NCDN: variants seen among roughly 807,000 people sequenced by gnomAD.
NCDN encodes norbin.
NCDN carries 9 observed loss-of-function variants against 60.7 expected under a neutral mutation model. The ratio of observed to expected loss-of-function variants is 0.15; its 90% CI spans 0.09 to 0.26. The LOEUF (loss-of-function observed/expected upper bound fraction) is 0.26. NCDN is among the 10% of genes least tolerant of loss of function. The probability of loss-of-function intolerance (pLI) is 1.00; values close to 1 mark genes in which losing one functional copy is unlikely to be tolerated. For synonymous variants in NCDN, 409 were observed against 442.5 expected (o/e 0.92, Z 0.95); for missense variants, 578 against 975.2 (o/e 0.59, Z 5.42).
intron 2 of NCDN, 128 bp downstream of exon 2, chr1:35,559,375 A>G: frequency 3.3e-6 from 4 of 1,210,278 alleles, no homozygotes. Flanking sequence ...ACGAAGGCCC[A>G]AGACCCCTAC....
At position 35,563,470 on chromosome 1, in the gene NCDN, A is replaced by G. The variant is rs753077381; in HGVS notation, c.1610+44A>G. On this transcript the variant is annotated intron_variant, in intron 5 of 6. Transcript: ENST00000373243. This position sits in a 1 kb window ranked among gnomAD's most constrained non-coding sequence, Gnocchi z 6.6. ...GTGGGGGAGGAGGCCGGAGGAGGCA[A>G]AGGAGGCTGCCCAGTTGCCTCAATT... is the stretch of plus-strand genomic sequence containing the variant. The G allele has an allele frequency of 3.1e-6, 5 of 1,591,778 alleles. No homozygotes were observed. Among genetic ancestry groups the G allele is most frequent in the Non-Finnish European group, 4.3e-6 (5 of 1,163,220 alleles).
chr1:35,558,357 C>G lies in NCDN; in HGVS notation c.33+134C>G. The G allele has an allele frequency of 3.3e-6, 5 of 1,534,756 alleles. No homozygotes were observed. In the South Asian group the frequency reaches 3.7e-5, roughly 11 times the overall value. On this transcript the variant is annotated intron_variant, in intron 1 of 6. Coordinates refer to ENST00000373243, the MANE Select transcript of NCDN (RefSeq NM_014284.3). The surrounding 1 kb of genome is among the most constrained non-coding windows in gnomAD (Gnocchi z 6.3). ...CCCCTCTTGCTTCTCCAGCCCCTGC[C>G]GGCATCCACAGGCTGGTAGCGGGAC...
rs919549936 is a variant in NCDN at position 35,566,665 on chromosome 1, ACACACACACACACACT to A, written c.*1004_*1019del. The A allele has an allele frequency of 1.2e-4, 49 of 414,470 alleles. No individual in the cohort carries two copies. Among genetic ancestry groups the A allele is most frequent in the Non-Finnish European group, 1.9e-4 (39 of 206,034 alleles). The allele number at this position is 414,470 out of a possible 1,614,324, so 25.7% of individuals were successfully genotyped here. On this transcript the variant is annotated 3_prime_UTR_variant, in exon 7 of 7. Transcript: ENST00000373243. The surrounding 1 kb of genome is among the most constrained non-coding windows in gnomAD (Gnocchi z 5.3). ...CACACACACACACACACACACACACACACACACACACACACTCTTGATCCCTTGCTTCCCTCCCCCA... is the reference window on the plus strand; with the variant it reads ...CACACACACACACACACACACACACACTTGATCCCTTGCTTCCCTCCCCCA...
At position 35,563,106 on chromosome 1, in the gene NCDN, A is replaced by G. The variant is rs1648756957; in HGVS notation, c.1386-96A>G. The G allele has an allele frequency of 8.8e-7, 1 of 1,131,052 alleles. No homozygotes were observed. The highest frequency in any genetic ancestry group is 1.6e-5 in the African/African-American group (1 of 63,898). The allele number at this position is 1,131,052 out of a possible 1,614,324, so 70.1% of individuals were successfully genotyped here. A position where few individuals can be genotyped will look rare whatever the true frequency, so the allele number is the denominator to read the frequency against. On this transcript the variant is annotated intron_variant, in intron 4 of 6. Coordinates refer to ENST00000373243, the MANE Select transcript of NCDN (RefSeq NM_014284.3). The surrounding 1 kb of genome is among the most constrained non-coding windows in gnomAD (Gnocchi z 6.6). ...CTGCGAGGATGTGTCCTTCTCCCCT[A>G]CTTCCATTTCTCTTAGGCAAGGTGC... is the stretch of plus-strand genomic sequence containing the variant.
Position 35,560,257 on chromosome 1 carries a change from G to A in NCDN, c.175-69G>A. The A allele has an allele frequency of 1.9e-6, 3 of 1,544,908 alleles. No homozygotes were observed. The highest frequency in any genetic ancestry group is 2.6e-6 in the Non-Finnish European group (3 of 1,143,952). On this transcript the variant is annotated intron_variant, in intron 2 of 6. Coordinates refer to ENST00000373243, the MANE Select transcript of NCDN (RefSeq NM_014284.3). The surrounding 1 kb of genome is among the most constrained non-coding windows in gnomAD (Gnocchi z 7.6). ...CATCTTGCTAGTCCTCAGTGCCCCAGGATGCAGGAGAGGGACAGTCTTTCC... is the reference window on the plus strand; with the variant it reads ...CATCTTGCTAGTCCTCAGTGCCCCAAGATGCAGGAGAGGGACAGTCTTTCC...
At position 35,565,675 on chromosome 1, in the gene NCDN, C is replaced by CGG. The variant is rs1648849619; in HGVS notation, c.*15_*16dup. Reference sequence around the variant, plus strand: ...TGTCAGAGCCCTGAGGGGTGTCCACCGGGGACAGACCCAGGGGCGGGCAGA... The same window carrying CGG: ...TGTCAGAGCCCTGAGGGGTGTCCACCGGGGGGACAGACCCAGGGGCGGGCAGA... On this transcript the variant is annotated 3_prime_UTR_variant, in exon 7 of 7. Coordinates refer to ENST00000373243, the MANE Select transcript of NCDN (RefSeq NM_014284.3). The surrounding 1 kb of genome is among the most constrained non-coding windows in gnomAD (Gnocchi z 8.9). The CGG allele has an allele frequency of 4.6e-6, 7 of 1,538,198 alleles. No homozygotes were observed. Among genetic ancestry groups the CGG allele is most frequent in the Non-Finnish European group, 4.4e-6 (5 of 1,147,956 alleles).
chr1:35,560,677 G>A lies in NCDN; in HGVS notation c.526G>A (p.Gly176Ser). ...PRGPRHLIAG[G>S]TVSALCQAYL... The stretch of plus-strand genomic sequence containing the variant: ...AGGGCCTCGGCACCTCATTGCTGGT[G>A]GCACCGTGTCTGCCCTATGCCAGGC... The change falls in exon 3 of 7, where the codon GGC becomes AGC. Residue 176 changes from glycine to serine, a missense_variant. By Grantham distance (56) the Gly-to-Ser change is moderately conservative. This residue lies in a region of NCDN where 363 missense variants were observed against 583.6 expected (regional missense o/e 0.62). Coordinates refer to ENST00000373243, the MANE Select transcript of NCDN (RefSeq NM_014284.3). This position sits in a 1 kb window ranked among gnomAD's most constrained non-coding sequence, Gnocchi z 7.6. The A allele has an allele frequency of 6.2e-7, 1 of 1,613,170 alleles. No homozygotes were observed. The highest frequency in any genetic ancestry group is 8.5e-7 in the Non-Finnish European group (1 of 1,180,046).
rs1452933073 is a variant in NCDN at position 35,565,415 on chromosome 1, G to C, written c.1942G>C (p.Val648Leu). The change falls in exon 7 of 7, where the codon GTG becomes CTG. Residue 648 changes from valine to leucine, a missense_variant. Val to Leu is a conservative substitution (Grantham distance 32, BLOSUM62 1). This residue lies in a region of NCDN where 191 missense variants were observed against 372.1 expected (regional missense o/e 0.51). Transcript: ENST00000373243. This position sits in a 1 kb window ranked among gnomAD's most constrained non-coding sequence, Gnocchi z 8.9. ...FLGMQAFTGC[V>L]PLLPWLAPAA... ...GGGCATGCAGGCCTTCACCGGCTGTGTGCCTCTGCTGCCCTGGCTGGCCCC... is the reference window on the plus strand; with the variant it reads ...GGGCATGCAGGCCTTCACCGGCTGTCTGCCTCTGCTGCCCTGGCTGGCCCC... 6.2e-7 allele frequency: 1 copy of C among 1,612,778 alleles called. No homozygotes were observed. The highest frequency in any genetic ancestry group is 1.3e-5 in the African/African-American group (1 of 74,924).
In NCDN at chr1:35,561,683, G is replaced by A. The variant is rs569374638; in HGVS notation, c.1143+389G>A. Among the ~76,000 whole-genome samples the A allele has an allele frequency of 8.5e-5, 13 of 152,188 alleles. No individual in the cohort carries two copies. Among genetic ancestry groups the A allele is most frequent in the East Asian group, 3.9e-4 (2 of 5,178 alleles). On this transcript the variant is annotated intron_variant, in intron 3 of 6. Coordinates refer to ENST00000373243, the MANE Select transcript of NCDN (RefSeq NM_014284.3). This position sits in a 1 kb window ranked among gnomAD's most constrained non-coding sequence, Gnocchi z 4.9. ...CATTGTTTTATACACGCACACACCC[G>A]AACTTCTAATGGTGCAGGGAAGAGA... is the stretch of plus-strand genomic sequence containing the variant.
rs778475964 is a variant in NCDN at position 35,560,635 on chromosome 1, G to A, written c.484G>A (p.Val162Ile). The A allele has an allele frequency of 1.4e-5, 22 of 1,613,554 alleles. No homozygotes were observed. Among genetic ancestry groups the A allele is most frequent in the Non-Finnish European group, 1.8e-5 (21 of 1,180,054 alleles). ...TGACACCTACCAGTGCCTGACGGCT[G>A]TAGCAGGCACACCCAGAGGGCCTCG... is the stretch of plus-strand genomic sequence containing the variant. ...IDDTYQCLTA[V>I]AGTPRGPRHL... The change falls in exon 3 of 7, where the codon GTA becomes ATA. Residue 162 changes from valine (V) to isoleucine (I), a missense_variant. Transcript: ENST00000373243. The surrounding 1 kb of genome is among the most constrained non-coding windows in gnomAD (Gnocchi z 7.6).
Position 35,558,173 on chromosome 1 carries a change from C to A in NCDN, c.-18C>A. On this transcript the variant is annotated 5_prime_UTR_variant, in exon 1 of 7. Transcript: ENST00000373243. The surrounding 1 kb of genome is among the most constrained non-coding windows in gnomAD (Gnocchi z 6.3). Reference sequence around the variant, plus strand: ...TCGTGAAGTGTGATCTCATCGCCGCCCTGTCGTGACTTCATCAATGTCGTG... The same window carrying A: ...TCGTGAAGTGTGATCTCATCGCCGCACTGTCGTGACTTCATCAATGTCGTG... 1.9e-6 allele frequency: 3 copies of A among 1,614,074 alleles called. No individual in the cohort carries two copies. Among genetic ancestry groups the A allele is most frequent in the Non-Finnish European group, 2.5e-6 (3 of 1,179,978 alleles).
chr1:35,562,661 C>T lies in NCDN; in HGVS notation c.1385+28C>T, dbSNP rs1455214690. 1.9e-6 allele frequency: 3 copies of T among 1,592,674 alleles called. No homozygotes were observed. The African/African-American group carries it at 4.0e-5, about 21-fold the overall frequency. On this transcript the variant is annotated intron_variant, in intron 4 of 6. Transcript: ENST00000373243. This position sits in a 1 kb window ranked among gnomAD's most constrained non-coding sequence, Gnocchi z 6.8. ...GAGTCTGTAGTTACAGTCTGTCCAG[C>T]TAGATCATTCTACCGAAAAGCGTTA...
rs1049249014 is a variant in NCDN at position 35,566,762 on chromosome 1, G to A, written c.*1099G>A. 5 of 469,934 alleles carry A rather than the reference G, an allele frequency of 1.1e-5. No individual in the cohort carries two copies. The highest frequency in any genetic ancestry group is 1.4e-4 in the East Asian group (2 of 14,380). The allele number at this position is 469,934 out of a possible 1,614,324, so 29.1% of individuals were successfully genotyped here. ...GTGCACATGTGGACACTCAATAAATGTTCATTGGTGACGAGAAGCCTCCTG... is the reference window on the plus strand; with the variant it reads ...GTGCACATGTGGACACTCAATAAATATTCATTGGTGACGAGAAGCCTCCTG... On this transcript the variant is annotated 3_prime_UTR_variant, in exon 7 of 7. Coordinates refer to ENST00000373243, the MANE Select transcript of NCDN (RefSeq NM_014284.3). The surrounding 1 kb of genome is among the most constrained non-coding windows in gnomAD (Gnocchi z 5.3).
intron 2 of NCDN, among the ~76,000 whole-genome samples, chr1:35,559,854 T>G (rs545571558): frequency 1.4e-4 from 21 of 151,810 alleles, no homozygotes; most frequent in Admixed American, 4.6e-4. Flanking sequence ...GAGGAGGTGT[T>G]TAGGTGAAAT....
chr1:35,559,598 G>T (rs114062899), intron 2 of NCDN, among the ~76,000 whole-genome samples: 2 of 152,128 alleles, frequency 1.3e-5, no homozygotes, highest in Non-Finnish European at 2.9e-5. Flanking sequence ...GAGTAGCAGG[G>T]CTGGAAGTGG....
At position 35,565,158 on chromosome 1, in the gene NCDN, A is replaced by C; in HGVS notation, c.1754-69A>C. 6.8e-7 allele frequency: 1 copy of C among 1,473,036 alleles called. No individual in the cohort carries two copies. Among genetic ancestry groups the C allele is most frequent in the South Asian group, 1.3e-5 (1 of 78,782 alleles). The allele number at this position is 1,473,036 out of a possible 1,614,324, so 91.2% of individuals were successfully genotyped here. A position where few individuals can be genotyped will look rare whatever the true frequency, so the allele number is the denominator to read the frequency against. ...GCTCCTGCATGTGTCTACACAGAGG[A>C]CTAGGGAAGGGTCTGACACAGCAGC... On this transcript the variant is annotated intron_variant, in intron 6 of 6. Coordinates refer to ENST00000373243, the MANE Select transcript of NCDN (RefSeq NM_014284.3). This position sits in a 1 kb window ranked among gnomAD's most constrained non-coding sequence, Gnocchi z 8.9.
In NCDN at chr1:35,557,952, A is replaced by T. The variant is rs1282432366; in HGVS notation, c.-239A>T. 9 of 656,270 alleles carry T rather than the reference A, an allele frequency of 1.4e-5. No homozygotes were observed. The highest frequency in any genetic ancestry group is 2.4e-5 in the Non-Finnish European group (9 of 381,640). 40.7% of individuals were successfully genotyped at this position (656,270 alleles called of 1,614,324 possible). On this transcript the variant is annotated 5_prime_UTR_variant, in exon 1 of 7. An upstream start codon of the reference 5' UTR is lost. Transcript: ENST00000373243. Reference sequence around the variant, plus strand: ...GGCCTCTCCGAGCCGGCGCTGATCGATGCCGACACACCCCGGGGACCCTAT... The same window carrying T: ...GGCCTCTCCGAGCCGGCGCTGATCGTTGCCGACACACCCCGGGGACCCTAT...
Position 35,560,911 on chromosome 1 carries a change from C to G in NCDN, c.760C>G (p.Pro254Ala). ...LPLFLPPTTV[P>A]PECYRDLQAG... ...CCTCTTTTTGCCCCCGACAACCGTG[C>G]CCCCTGAATGCTACCGGGATCTGCA... The change falls in exon 3 of 7, where the codon CCC becomes GCC. Residue 254 changes from proline to alanine, a missense_variant. This residue lies in a region of NCDN where 363 missense variants were observed against 583.6 expected (regional missense o/e 0.62). Transcript: ENST00000373243. This position sits in a 1 kb window ranked among gnomAD's most constrained non-coding sequence, Gnocchi z 7.6. 1 of 1,614,130 alleles carries G rather than the reference C, an allele frequency of 6.2e-7. No individual in the cohort carries two copies. Among genetic ancestry groups the G allele is most frequent in the Non-Finnish European group, 8.5e-7 (1 of 1,179,998 alleles).
At chr1:35,559,799 G>A (rs1236823885) in intron 2 of NCDN, among the ~76,000 whole-genome samples, 2 of 152,108 alleles carry the variant, frequency 1.3e-5, no homozygotes, top group Non-Finnish European at 1.5e-5. Context: ...TGTTTGCCAT[G>A]GCAACAAGGA....
Sources: allele counts gnomAD v4.1 joint callset (sites outside exome capture counted in the v4.1 genomes callset), GRCh38; gene constraint gnomAD v4.1.1; regional missense constraint gnomAD v4.1.1; non-coding constraint Gnocchi (gnomAD v3.1); transcripts MANE v1.5; gene names NCBI Gene and HGNC (gene_info 2026-07-23, HGNC 2026-07-21).